Variants in MYO16 observed in about 807,000 individuals in gnomAD.
The protein encoded by MYO16 is unconventional myosin-XVI.
In MYO16, 94 loss-of-function variants were observed where a neutral mutation model predicts 205.3. That is an observed-to-expected ratio of 0.46 (90% CI 0.39 to 0.54). The LOEUF (loss-of-function observed/expected upper bound fraction) is 0.54, where lower values mean the gene tolerates loss of function less well. Ranked by LOEUF, MYO16 falls within the 20% of genes least tolerant of loss-of-function variation. MYO16 has a pLI of 0.00. For missense variants in MYO16, 2,315 were observed against 2,387.5 expected, an observed-to-expected ratio of 0.97 and a Z score of 0.63; for synonymous variants, 988 against 954.0, an observed-to-expected ratio of 1.04 and a Z score of -0.66.
chr13:109,159,199 A>G (rs78718729), intron 32 of MYO16, among the ~76,000 whole-genome samples: 2 of 152,244 alleles, frequency 1.3e-5, no homozygotes, highest in South Asian at 2.1e-4. Flanking sequence ...ACTCCATTGC[A>G]TAAAAGAAAA....
chr13:108,795,963 A>G (rs1410517032), intron 6 of MYO16, among the ~76,000 whole-genome samples: 2 of 152,222 alleles, frequency 1.3e-5, no homozygotes, highest in Non-Finnish European at 2.9e-5. Context: ...CTGTGAAGGG[A>G]AAGCATTCCA....
chr13:109,099,895 A>G (rs533990603), intron 27 of MYO16, among the ~76,000 whole-genome samples: 13 of 152,250 alleles, frequency 8.5e-5, no homozygotes, highest in Admixed American at 1.3e-4. Context: ...TGAACTTTAG[A>G]TGAAACACTA....
chr13:108,665,865 C>T, intron 1 of MYO16, 21 bp from the exon 2 acceptor site: 2 of 1,608,316 alleles, frequency 1.2e-6, no homozygotes, highest in Admixed American at 3.4e-5. Context: ...TCTGGTGACG[C>T]TCCCCTTGCA....
intron 16 of MYO16, among the ~76,000 whole-genome samples, chr13:108,927,084 T>G (rs1041345146): frequency 4.0e-5 from 6 of 150,204 alleles, no homozygotes; most frequent in African/African-American, 1.5e-4. Context: ...GACTCCCGAG[T>G]GAACAGAGGT....
chr13:109,106,842 G>C (rs1889135429), intron 28 of MYO16, among the ~76,000 whole-genome samples: 1 of 152,196 alleles, frequency 6.6e-6, no homozygotes, highest in Non-Finnish European at 1.5e-5. Flanking sequence ...GGTGAAAGAA[G>C]TTTTGTGGGT....
the MYO16 span, among the ~76,000 whole-genome samples, chr13:108,543,433 G>A: frequency 1.6e-4 from 24 of 151,806 alleles, no homozygotes; most frequent in African/African-American, 5.1e-4. Context: ...TCACGAGGTT[G>A]GGAGATCGAG....
At chr13:109,062,757 A>G (rs1157467902) in intron 27 of MYO16, among the ~76,000 whole-genome samples, 1 of 152,154 alleles carries the variant, frequency 6.6e-6, no homozygotes, top group Non-Finnish European at 1.5e-5. Flanking sequence ...AGTATTCAAG[A>G]AGCTCATCAA....
chr13:109,071,438 T>TA (rs940219954), intron 27 of MYO16, among the ~76,000 whole-genome samples: 3 of 152,112 alleles, frequency 2.0e-5, no homozygotes, highest in African/African-American at 7.2e-5. Context: ...TAATAGGAAA[T>TA]ATGTGAGCCA....
intron 33 of MYO16, among the ~76,000 whole-genome samples, chr13:109,166,096 C>A (rs561603631): frequency 6.6e-6 from 1 of 151,994 alleles, no homozygotes; most frequent in South Asian, 2.1e-4. Context: ...TAGGAGCACA[C>A]AAAATAAGAT....
intron 1 of MYO16, among the ~76,000 whole-genome samples, chr13:108,638,786 A>G (rs954045789): frequency 1.3e-5 from 2 of 152,164 alleles, no homozygotes; most frequent in African/African-American, 4.8e-5. Context: ...CGAATTTTCA[A>G]TTTCCATCTG....
At chr13:108,622,431 A>G (rs1336062574) in intron 1 of MYO16, among the ~76,000 whole-genome samples, 1 of 152,138 alleles carries the variant, frequency 6.6e-6, no homozygotes, top group African/African-American at 2.4e-5. Flanking sequence ...AAGGAAGTTT[A>G]CTGAAATAGA....
At chr13:108,783,884 T>C (rs9521048) in intron 4 of MYO16, among the ~76,000 whole-genome samples, 51,860 of 152,084 alleles carry the variant, frequency 0.34, 10,063 homozygotes, top group East Asian at 0.63. Context: ...TAAACCTCCT[T>C]TTGTTCCCAG....
At chr13:108,851,498 CAT>C (rs1486131665) in intron 10 of MYO16, among the ~76,000 whole-genome samples, 1 of 152,186 alleles carries the variant, frequency 6.6e-6, no homozygotes, top group Non-Finnish European at 1.5e-5. Context: ...CCTAATTGCA[CAT>C]GTTTTCTAGA....
intron 21 of MYO16, among the ~76,000 whole-genome samples, chr13:109,000,971 T>G (rs1293458764): frequency 6.6e-6 from 1 of 151,980 alleles, no homozygotes; most frequent in African/African-American, 2.4e-5. Context: ...ATACTAGATT[T>G]TTTTGTTCTG....
chr13:108,682,916 G>T (rs1293079835), intron 2 of MYO16, among the ~76,000 whole-genome samples: 2 of 152,112 alleles, frequency 1.3e-5, no homozygotes, highest in Non-Finnish European at 2.9e-5. Flanking sequence ...CAAAATATCT[G>T]ATCCCTGCTG....
chr13:108,987,786 A>G (rs2139429510), intron 20 of MYO16, among the ~76,000 whole-genome samples: 1 of 152,334 alleles, frequency 6.6e-6, no homozygotes, highest in East Asian at 1.9e-4. Context: ...TCCTTGCCTG[A>G]GGATAATTGA....
chr13:108,760,288 A>C (rs1329767750), intron 4 of MYO16, among the ~76,000 whole-genome samples: 1 of 152,204 alleles, frequency 6.6e-6, no homozygotes, highest in African/African-American at 2.4e-5. Context: ...GGGCACTCTT[A>C]CAGGTATTTT....
chr13:108,657,797 A>T (rs1881312321), intron 1 of MYO16, among the ~76,000 whole-genome samples: 1 of 152,070 alleles, frequency 6.6e-6, no homozygotes, highest in African/African-American at 2.4e-5. Flanking sequence ...TCCTCTTCCT[A>T]CCCACATTTT....
At chr13:108,678,368 G>A (rs1471159659) in intron 2 of MYO16, among the ~76,000 whole-genome samples, 8 of 152,062 alleles carry the variant, frequency 5.3e-5, no homozygotes, top group Non-Finnish European at 1.2e-4. Context: ...TTCACAGAAG[G>A]GGAAAAGAAT....
Sources: allele counts gnomAD v4.1 joint callset (sites outside exome capture counted in the v4.1 genomes callset), GRCh38; gene constraint gnomAD v4.1.1; transcripts MANE v1.5; gene names NCBI Gene and HGNC (gene_info 2026-07-23, HGNC 2026-07-21).